NAP1L4: variants seen among roughly 807,000 people sequenced by gnomAD.
The protein encoded by NAP1L4 is nucleosome assembly protein 1-like 4.
A neutral mutation model predicts 58.2 loss-of-function variants in NAP1L4; 15 were observed. That is an observed-to-expected ratio of 0.26 (90% CI 0.17 to 0.40). The LOEUF (loss-of-function observed/expected upper bound fraction) is 0.40. NAP1L4 is among the 10% of genes least tolerant of loss of function. The probability of loss-of-function intolerance (pLI) is 1.00; values close to 1 mark genes in which losing one functional copy is unlikely to be tolerated. For missense variants in NAP1L4, 384 were observed against 451.1 expected, an observed-to-expected ratio of 0.85 and a Z score of 1.35; for synonymous variants, 171 against 155.6, an observed-to-expected ratio of 1.10 and a Z score of -0.74.
chr11:2,991,023 A>T, intron 1 of NAP1L4: 1 of 447,618 alleles, frequency 2.2e-6, no homozygotes, highest in Admixed American at 2.4e-5. Context: ...ACGGGTTACT[A>T]CAGGAAAAAG....
At chr11:2,986,499 C>A (rs999328143) in intron 1 of NAP1L4, among the ~76,000 whole-genome samples, 2 of 152,022 alleles carry the variant, frequency 1.3e-5, no homozygotes, top group African/African-American at 4.8e-5. Flanking sequence ...ACTCAAAGGT[C>A]CTCAATGTCT....
At chr11:2,964,192 T>C (rs1421043833) in intron 8 of NAP1L4, among the ~76,000 whole-genome samples, 4 of 152,172 alleles carry the variant, frequency 2.6e-5, no homozygotes, top group African/African-American at 7.2e-5. Context: ...TATGTGTACA[T>C]AGCTCCCATC....
At chr11:2,977,468 A>T (rs887759302) in intron 3 of NAP1L4, among the ~76,000 whole-genome samples, 2 of 152,230 alleles carry the variant, frequency 1.3e-5, no homozygotes, top group Non-Finnish European at 2.9e-5. Context: ...TGAGCATTCT[A>T]TAAGACAACA....
chr11:2,945,655 G>T lies in NAP1L4; in HGVS notation c.*33-9C>A, dbSNP rs1054415719. On this transcript the variant is annotated splice_polypyrimidine_tract_variant and intron_variant, in intron 15 of 15. Transcript: ENST00000380542. ...GGCTGGCTGGGTTCCTTCTGTCAAT[G>T]AAAAAGACAAGGCTTGTAGAGAGCA... The T allele has an allele frequency of 2.9e-5, 44 of 1,535,532 alleles. No homozygotes were observed. The highest frequency in any genetic ancestry group is 3.7e-5 in the Non-Finnish European group (42 of 1,146,668).
intron 1 of NAP1L4, among the ~76,000 whole-genome samples, chr11:2,982,020 G>C (rs867435259): frequency 6.6e-6 from 1 of 152,148 alleles, no homozygotes; most frequent in Admixed American, 6.5e-5. Context: ...GAGACAGTCA[G>C]ACTTCATAAC....
Position 2,951,783 on chromosome 11 carries a change from C to T in NAP1L4, c.1062G>A (p.Glu354=), listed in dbSNP as rs745621009. Residue 354 remains glutamate (E), a synonymous_variant, in exon 13 of 16, where the codon GAG becomes GAA. Transcript: ENST00000380542. The surrounding 1 kb of genome is among the most constrained non-coding windows in gnomAD (Gnocchi z 4.0). ...DNFEEGEEGE[E]EELEGDEEGE... is the part of the protein sequence containing the mutation. ...ACTGCATAAACCTGTCTCTTACCTC[C>T]TCTTCTCCTTCTTCACCTTCTTCAA... 11 of 1,614,006 alleles carry T rather than the reference C, an allele frequency of 6.8e-6. No individual in the cohort carries two copies. The highest frequency in any genetic ancestry group is 2.7e-5 in the African/African-American group (2 of 74,914).
chr11:2,978,444 A>T (rs947204556), intron 2 of NAP1L4, 102 bp from the exon 3 acceptor site: 33 of 1,078,788 alleles, frequency 3.1e-5, no homozygotes, highest in East Asian at 1.3e-4. Flanking sequence ...AGGTATCTGT[A>T]CAGTGACGTC....
At chr11:2,991,412 G>A (rs1848959099) in intron 1 of NAP1L4, 1 of 198,238 alleles carries the variant, frequency 5.0e-6, no homozygotes, top group South Asian at 6.9e-5. Flanking sequence ...AGAAAAGCAT[G>A]GCACTTTCCC....
In NAP1L4 at chr11:2,949,437, T is replaced by G. The variant is rs1488437446; in HGVS notation, c.1123-173A>C. ...CATACTTTCAAAATGGGCAGAAGCA[T>G]GATTTTCACTTCTATCAGACTGCTC... On this transcript the variant is annotated intron_variant, in intron 14 of 15. Transcript: ENST00000380542. The surrounding 1 kb of genome is among the most constrained non-coding windows in gnomAD (Gnocchi z 4.0). Among the ~76,000 whole-genome samples, 1 of 152,180 alleles carries G rather than the reference T, an allele frequency of 6.6e-6. No homozygotes were observed. Among genetic ancestry groups the G allele is most frequent in the African/African-American group, 2.4e-5 (1 of 41,444 alleles).
chr11:2,984,916 G>GT (rs1343943480), intron 1 of NAP1L4, among the ~76,000 whole-genome samples: 3 of 152,182 alleles, frequency 2.0e-5, no homozygotes. Flanking sequence ...TACAGGTTGA[G>GT]TATCTCTTAT....
Position 2,951,689 on chromosome 11 carries a change from C to T in NAP1L4, c.1065+91G>A. 1 of 1,368,588 alleles carries T rather than the reference C, an allele frequency of 7.3e-7. No homozygotes were observed. Among genetic ancestry groups the T allele is most frequent in the South Asian group, 1.2e-5 (1 of 85,120 alleles). The allele number at this position is 1,368,588 out of a possible 1,614,324, so 84.8% of individuals were successfully genotyped here. A position where few individuals can be genotyped will look rare whatever the true frequency, so the allele number is the denominator to read the frequency against. On this transcript the variant is annotated intron_variant, in intron 13 of 15. Transcript: ENST00000380542. The surrounding 1 kb of genome is among the most constrained non-coding windows in gnomAD (Gnocchi z 4.0). ...ACAGCGTCACAAAAAATGGGTTTAA[C>T]ACAGCCCTGTGAGTCCATAACCTTC...
At chr11:2,964,131 T>A (rs1398339054) in intron 8 of NAP1L4, among the ~76,000 whole-genome samples, 3 of 152,214 alleles carry the variant, frequency 2.0e-5, no homozygotes, top group Non-Finnish European at 4.4e-5. Context: ...TGCGCTTTTT[T>A]TTTTAGGGTA....
At chr11:2,962,238 G>C (rs1011130195) in intron 8 of NAP1L4, among the ~76,000 whole-genome samples, 2 of 152,232 alleles carry the variant, frequency 1.3e-5, no homozygotes, top group African/African-American at 2.4e-5. Context: ...TGATCATAAT[G>C]CAACAATTTA....
rs117716496 is a variant in NAP1L4 at position 2,951,021 on chromosome 11, G to A, written c.1122+238C>T. The A allele has an allele frequency of 6.1e-4, 282 of 459,780 alleles. No homozygotes were observed. The East Asian group carries it at 9.1e-3, about 15-fold the overall frequency. The allele number at this position is 459,780 out of a possible 1,614,324, so 28.5% of individuals were successfully genotyped here. A position where few individuals can be genotyped will look rare whatever the true frequency, so the allele number is the denominator to read the frequency against. ...CAAGTTGCTCTACTGAGGAGTCTAT[G>A]TAAATAAGACACAGCTTGAGACAGC... On this transcript the variant is annotated intron_variant, in intron 14 of 15. Transcript: ENST00000380542. This position sits in a 1 kb window ranked among gnomAD's most constrained non-coding sequence, Gnocchi z 4.0.
At chr11:2,950,064 C>A (rs1041170496) in intron 14 of NAP1L4, among the ~76,000 whole-genome samples, 2 of 152,232 alleles carry the variant, frequency 1.3e-5, no homozygotes, top group Non-Finnish European at 2.9e-5. Context: ...CATTTATTCA[C>A]CCAACGTTGT....
chr11:2,988,625 ACAGT>A (rs1021927273), intron 1 of NAP1L4, among the ~76,000 whole-genome samples: 153 of 152,350 alleles, frequency 1.0e-3, no homozygotes, highest in African/African-American at 3.5e-3. Context: ...ATAAAAGTGC[ACAGT>A]CATTCTTTCT....
At chr11:2,963,132 G>A (rs1847042631) in intron 8 of NAP1L4, among the ~76,000 whole-genome samples, 4 of 144,076 alleles carry the variant, frequency 2.8e-5, no homozygotes. Context: ...AGAAAAAAAA[G>A]GAAGAAAAGA....
chr11:2,954,751 T>A lies in NAP1L4; in HGVS notation c.916-105A>T. ...CCCCTCACTTTTGATTTACTTAACT[T>A]AAAACACCAAACTCCTGCACTGCTG... On this transcript the variant is annotated intron_variant, in intron 11 of 15. Transcript: ENST00000380542. This position sits in a 1 kb window ranked among gnomAD's most constrained non-coding sequence, Gnocchi z 4.8. 1 of 1,462,686 alleles carries A rather than the reference T, an allele frequency of 6.8e-7. No individual in the cohort carries two copies. Among genetic ancestry groups the A allele is most frequent in the Non-Finnish European group, 9.5e-7 (1 of 1,051,376 alleles). The allele number at this position is 1,462,686 out of a possible 1,614,324, so 90.6% of individuals were successfully genotyped here. A position where few individuals can be genotyped will look rare whatever the true frequency, so the allele number is the denominator to read the frequency against.
intron 8 of NAP1L4, among the ~76,000 whole-genome samples, chr11:2,963,413 G>A (rs1207303956): frequency 1.3e-5 from 2 of 152,162 alleles, no homozygotes; most frequent in Non-Finnish European, 2.9e-5. Context: ...ACCCACATGG[G>A]GCAAGGAAGA....
Sources: allele counts gnomAD v4.1 joint callset (sites outside exome capture counted in the v4.1 genomes callset), GRCh38; gene constraint gnomAD v4.1.1; non-coding constraint Gnocchi (gnomAD v3.1); transcripts MANE v1.5; gene names NCBI Gene and HGNC (gene_info 2026-07-23, HGNC 2026-07-21).